The following PHLPP1 variants were observed in gnomAD, a reference collection of about 807,000 sequenced individuals.
PHLPP1 encodes the protein PH domain leucine-rich repeat-containing protein phosphatase 1.
In PHLPP1, 42 loss-of-function variants were observed where a neutral mutation model predicts 117.2. The observed-to-expected ratio is 0.36, with a 90% CI of 0.28 to 0.46. The LOEUF (loss-of-function observed/expected upper bound fraction) is 0.46, where lower values mean the gene tolerates loss of function less well. PHLPP1 is among the 20% of genes least tolerant of loss of function. The probability of loss-of-function intolerance (pLI) is 1.00; values close to 1 mark genes in which losing one functional copy is unlikely to be tolerated. For missense variants in PHLPP1, 2,084 were observed against 2,241.9 expected (o/e 0.93, Z 1.42); for synonymous variants, 1,042 against 970.7 (o/e 1.07, Z -1.37).
chr18:62,969,169 A>G (rs192127698), intron 14 of PHLPP1, among the ~76,000 whole-genome samples: 40 of 152,180 alleles, frequency 2.6e-4, no homozygotes, highest in Admixed American at 2.3e-3. Context: ...GGCCTCTCAA[A>G]GTACTGAGAT....
chr18:62,850,204 A>G (rs1915307220), intron 3 of PHLPP1, among the ~76,000 whole-genome samples: 1 of 151,648 alleles, frequency 6.6e-6, no homozygotes, highest in South Asian at 2.1e-4. Context: ...CCTGGCCAAC[A>G]TGGTGAAACC....
chr18:62,715,595 C>A lies in PHLPP1; in HGVS notation c.-89C>A, dbSNP rs1568090814. ...GCCATTGGCTTCTCCCTTCTCCGCG[C>A]GCCGCCGCCGTCTCCCACCTCCGCC... On this transcript the variant is annotated 5_prime_UTR_variant, in exon 1 of 17. Transcript: ENST00000262719. The A allele has an allele frequency of 2.4e-6, 2 of 825,386 alleles. No individual in the cohort carries two copies. The highest frequency in any genetic ancestry group is 3.3e-6 in the Non-Finnish European group (2 of 612,294). 51.1% of individuals were successfully genotyped at this position (825,386 alleles called of 1,614,324 possible).
At chr18:62,821,226 C>G (rs1425225774) in intron 1 of PHLPP1, among the ~76,000 whole-genome samples, 3 of 151,940 alleles carry the variant, frequency 2.0e-5, no homozygotes, top group African/African-American at 7.3e-5. Flanking sequence ...GTGCAAGAGT[C>G]TGAGACCAGC....
rs777528109 is a variant in PHLPP1, at chr18:62,895,947, T to A, written c.2380T>A (p.Cys794Ser). 46 of 1,613,772 alleles carry A rather than the reference T, an allele frequency of 2.9e-5. No individual in the cohort carries two copies. The Admixed American group carries it at 7.7e-4, about 27-fold the overall frequency. Residue 794 changes from cysteine to serine, a missense_variant, in exon 6 of 17, where the codon TGT becomes AGT. Physicochemically the swap from Cys to Ser is moderately radical, Grantham distance 112. Transcript: ENST00000262719. The stretch of plus-strand genomic sequence containing the variant: ...GGATAAACTTTGTATGTCTGGAAAC[T>A]GTGTGGAGACCCTTAGGCTACAGGC... ...AVDKLCMSGN[C>S]VETLRLQALR...
At chr18:62,721,773 T>C (rs1191225804) in intron 1 of PHLPP1, among the ~76,000 whole-genome samples, 1 of 152,232 alleles carries the variant, frequency 6.6e-6, no homozygotes, top group African/African-American at 2.4e-5. Context: ...TTTTATCTTT[T>C]GGTTGCTATA....
chr18:62,913,598 C>T (rs1489453932), intron 8 of PHLPP1, among the ~76,000 whole-genome samples: 3 of 152,044 alleles, frequency 2.0e-5, no homozygotes, highest in Non-Finnish European at 4.4e-5. Context: ...ATTCTTTGTG[C>T]CTGATCATTT....
At chr18:62,946,089 A>G (rs1398885220) in intron 12 of PHLPP1, among the ~76,000 whole-genome samples, 1 of 152,216 alleles carries the variant, frequency 6.6e-6, no homozygotes, top group African/African-American at 2.4e-5. Context: ...TGCTTAATGA[A>G]AAATAATTTG....
chr18:62,862,126 CT>C (rs1448453164), intron 4 of PHLPP1, among the ~76,000 whole-genome samples: 2 of 151,480 alleles, frequency 1.3e-5, no homozygotes, highest in Non-Finnish European at 2.9e-5. Context: ...GTCGCCCAGG[CT>C]AGAGTGTGGT....
chr18:62,797,666 A>C (rs1245314661), intron 1 of PHLPP1, among the ~76,000 whole-genome samples: 1 of 152,212 alleles, frequency 6.6e-6, no homozygotes, highest in Non-Finnish European at 1.5e-5. Context: ...TCAACTTGTT[A>C]TGTGCAGACC....
chr18:62,922,935 A>G (rs1484934984), intron 10 of PHLPP1, among the ~76,000 whole-genome samples: 8 of 152,176 alleles, frequency 5.3e-5, no homozygotes, highest in African/African-American at 1.9e-4. Context: ...AATTCTGTGC[A>G]GGTCATTCTA....
chr18:62,737,190 AC>A (rs71340109), intron 1 of PHLPP1, among the ~76,000 whole-genome samples: 5,271 of 152,294 alleles, frequency 0.035, 136 homozygotes, highest in Middle Eastern at 0.061. Context: ...AAAATGAGAG[AC>A]TAGCATTGCA....
intron 1 of PHLPP1, among the ~76,000 whole-genome samples, chr18:62,760,963 G>T (rs1407633390): frequency 6.6e-6 from 1 of 152,120 alleles, no homozygotes; most frequent in Non-Finnish European, 1.5e-5. Context: ...GAGCTCAGGT[G>T]ATCCTCCTGC....
intron 1 of PHLPP1, among the ~76,000 whole-genome samples, chr18:62,767,820 TTAAATAGA>T (rs1317084174): frequency 1.3e-5 from 2 of 152,214 alleles, no homozygotes; most frequent in African/African-American, 2.4e-5. Context: ...TCCTATCTGG[TTAAATAGA>T]GTACAATAGC....
At position 62,949,919 on chromosome 18, in the gene PHLPP1, G is replaced by A. The variant is rs545091448; in HGVS notation, c.3324+4648G>A. Among the ~76,000 whole-genome samples the A allele has an allele frequency of 1.1e-3, 162 of 152,264 alleles. 1 individual carries two copies. The highest frequency in any genetic ancestry group is 3.8e-3 in the African/African-American group (159 of 41,528). ...GCATAGCAGTCACATTGGTAATATA[G>A]TAATTTTGCAACAAAAACCAAGCTA... On this transcript the variant is annotated intron_variant, in intron 12 of 16. Coordinates refer to ENST00000262719, the MANE Select transcript of PHLPP1 (RefSeq NM_194449.4).
intron 1 of PHLPP1, among the ~76,000 whole-genome samples, chr18:62,790,772 A>T (rs549935980): frequency 4.0e-4 from 61 of 152,204 alleles, no homozygotes; most frequent in African/African-American, 1.5e-3. Flanking sequence ...CCGTTAGTTG[A>T]GTGGGAGTTA....
chr18:62,849,832 A>AAAAATATATATATATATATAT (rs1555677083), intron 3 of PHLPP1, among the ~76,000 whole-genome samples: 1 of 33,082 alleles, frequency 3.0e-5, no homozygotes, highest in Non-Finnish European at 5.3e-5. Flanking sequence ...AAAAAAAAAA[A>AAAAATATATATATATATATAT]ATATATATAT....
chr18:62,827,626 G>A (rs1431491991), intron 1 of PHLPP1, among the ~76,000 whole-genome samples: 1 of 152,212 alleles, frequency 6.6e-6, no homozygotes, highest in Non-Finnish European at 1.5e-5. Context: ...TTCATTCAGA[G>A]CAAGACCAGA....
At chr18:62,938,012 G>T (rs1459610477) in intron 10 of PHLPP1, among the ~76,000 whole-genome samples, 1 of 151,968 alleles carries the variant, frequency 6.6e-6, no homozygotes, top group African/African-American at 2.4e-5. Flanking sequence ...TGTCAAAAAA[G>T]AAAATAAAAA....
chr18:62,830,646 T>C (rs1599070617), intron 2 of PHLPP1, among the ~76,000 whole-genome samples: 1 of 152,224 alleles, frequency 6.6e-6, no homozygotes, highest in South Asian at 2.1e-4. Flanking sequence ...TGAGGTCTTA[T>C]TCAGTTCCTG....
Sources: allele counts gnomAD v4.1 joint callset (sites outside exome capture counted in the v4.1 genomes callset), GRCh38; gene constraint gnomAD v4.1.1; transcripts MANE v1.5; gene names NCBI Gene and HGNC (gene_info 2026-07-23, HGNC 2026-07-21).